MYCBP2: variants seen among roughly 807,000 people sequenced by gnomAD.
MYCBP2 encodes E3 ubiquitin-protein ligase MYCBP2.
In MYCBP2, 120 loss-of-function variants were observed where a neutral mutation model predicts 525.3. The observed-to-expected ratio is 0.23, with a 90% CI of 0.20 to 0.27. MYCBP2 has a LOEUF of 0.27. Among genes scored for constraint, MYCBP2 ranks in the 10% least tolerant of loss-of-function variants. The probability of loss-of-function intolerance (pLI) is 1.00; values close to 1 mark genes in which losing one functional copy is unlikely to be tolerated. For missense variants in MYCBP2, 4,149 were observed against 5,657.1 expected (o/e 0.73, Z 8.55); for synonymous variants, 1,894 against 1,955.8 (o/e 0.97, Z 0.83).
At chr13:77,079,242 T>G (rs1298269099) in intron 65 of MYCBP2, among the ~76,000 whole-genome samples, 1 of 152,188 alleles carries the variant, frequency 6.6e-6, no homozygotes, top group African/African-American at 2.4e-5. Flanking sequence ...TCATTACTTT[T>G]GGAAGTATAA....
At position 77,287,167 on chromosome 13, in the gene MYCBP2, G is replaced by A. The variant is rs191044302; in HGVS notation, c.594+994C>T. On this transcript the variant is annotated intron_variant, in intron 3 of 82. Transcript: ENST00000544440. ...CTCCCAAAGAGCTGGGATTACAGGC[G>A]TGAGCCATTACGCCCAGCCAGTTTC... Among the ~76,000 whole-genome samples the A allele has an allele frequency of 8.2e-3, 1,223 of 149,700 alleles. 19 individuals are homozygous for A. Among genetic ancestry groups the A allele is most frequent in the African/African-American group, 0.029 (1,166 of 40,722 alleles).
At chr13:77,277,489 C>T (rs1005737653) in intron 4 of MYCBP2, among the ~76,000 whole-genome samples, 2 of 152,110 alleles carry the variant, frequency 1.3e-5, no homozygotes, top group Non-Finnish European at 1.5e-5. Flanking sequence ...AAACAAAAGT[C>T]AAACACAATA....
At chr13:77,191,851 T>TGATTCTTCCTACCCATG in intron 27 of MYCBP2, 38 bp from the exon 28 acceptor site, 1 of 1,595,544 alleles carries the variant, frequency 6.3e-7, no homozygotes, top group Non-Finnish European at 8.6e-7. Context: ...AATATTTTCT[T>TGATTCTTCCTACCCATG]ACTTCTCTGT....
chr13:77,183,961 G>C (rs1406673142), intron 32 of MYCBP2, among the ~76,000 whole-genome samples: 2 of 151,884 alleles, frequency 1.3e-5, no homozygotes, highest in African/African-American at 4.8e-5. Flanking sequence ...CCAACTTTTA[G>C]CTGTGTTAAT....
intron 77 of MYCBP2, among the ~76,000 whole-genome samples, chr13:77,059,259 AT>A (rs535609302): frequency 3.9e-5 from 6 of 152,192 alleles, no homozygotes. Context: ...CAGTTCATAA[AT>A]TTTTAACTGT....
chr13:77,145,579 C>T (rs1275534112), intron 48 of MYCBP2, among the ~76,000 whole-genome samples: 1 of 152,124 alleles, frequency 6.6e-6, no homozygotes, highest in African/African-American at 2.4e-5. Flanking sequence ...CATAATTCTG[C>T]TATCTCAGAT....
At chr13:77,099,916 T>C (rs2046813602) in intron 55 of MYCBP2, 2 of 152,104 alleles carry the variant, frequency 1.3e-5, no homozygotes, top group Non-Finnish European at 2.9e-5. Flanking sequence ...ATTTTATGCT[T>C]TTCTTTGAGG....
At chr13:77,275,793 G>A (rs1473966603) in intron 4 of MYCBP2, among the ~76,000 whole-genome samples, 6 of 152,156 alleles carry the variant, frequency 3.9e-5, no homozygotes, top group East Asian at 3.9e-4. Flanking sequence ...AGACCAGCCT[G>A]GCCAACATAG....
chr13:77,174,303 T>G lies in MYCBP2; in HGVS notation c.5651+8A>C. ...AAGTATTTCCGTTATCTCTATACAT[T>G]CACCCACCTATAGTAGAGTATCTGT... On this transcript the variant is annotated splice_region_variant and intron_variant, in intron 37 of 82. Transcript: ENST00000544440. 1 of 1,612,974 alleles carries G rather than the reference T, an allele frequency of 6.2e-7. No individual in the cohort carries two copies.
At chr13:77,219,724 C>T (rs1015956258) in intron 20 of MYCBP2, among the ~76,000 whole-genome samples, 1 of 151,716 alleles carries the variant, frequency 6.6e-6, no homozygotes, top group African/African-American at 2.4e-5. Context: ...ACATGGAGAT[C>T]CTATGCTAAA....
intron 31 of MYCBP2, 50 bp from the exon 32 acceptor site, chr13:77,185,427 C>T (rs750831706): frequency 1.3e-6 from 2 of 1,537,866 alleles, no homozygotes; most frequent in South Asian, 1.2e-5. Flanking sequence ...ATTAAATATG[C>T]ATGAAAACAA....
chr13:77,156,250 C>T (rs1221559539), intron 45 of MYCBP2, 48 bp from the exon 46 acceptor site: 1 of 1,515,112 alleles, frequency 6.6e-7, no homozygotes, highest in South Asian at 1.3e-5. Context: ...CACTGATCAG[C>T]ATCTTCAACA....
intron 26 of MYCBP2, 126 bp downstream of exon 26, chr13:77,205,129 GA>G (rs2063177455): frequency 1.3e-6 from 1 of 771,574 alleles, no homozygotes; most frequent in South Asian, 6.0e-5. Flanking sequence ...TTTTTAAAAA[GA>G]AGCATTAAAA....
Position 77,262,142 on chromosome 13 carries a change from A to T in MYCBP2, c.1571-13T>A. 1 of 1,590,360 alleles carries T rather than the reference A, an allele frequency of 6.3e-7. No individual in the cohort carries two copies. The highest frequency in any genetic ancestry group is 8.6e-7 in the Non-Finnish European group (1 of 1,162,308). ...TCAAATCCTGTACCTGAAATACGAG[A>T]CTAATAAATACTATTGCATTTCTAA... On this transcript the variant is annotated splice_polypyrimidine_tract_variant and intron_variant, in intron 10 of 82. Coordinates refer to ENST00000544440, the MANE Select transcript of MYCBP2 (RefSeq NM_015057.5).
At chr13:77,148,825 T>C (rs1236078473) in intron 47 of MYCBP2, among the ~76,000 whole-genome samples, 2 of 152,118 alleles carry the variant, frequency 1.3e-5, no homozygotes, top group Non-Finnish European at 2.9e-5. Flanking sequence ...ATCACTTCCA[T>C]TTCCATCCCA....
intron 55 of MYCBP2, among the ~76,000 whole-genome samples, chr13:77,102,506 T>C (rs1019235896): frequency 6.6e-6 from 1 of 151,560 alleles, no homozygotes; most frequent in Non-Finnish European, 1.5e-5. Context: ...TTAAATTTAA[T>C]TAAATAATAC....
intron 26 of MYCBP2, among the ~76,000 whole-genome samples, chr13:77,199,192 C>T (rs141738031): frequency 0.032 from 4,853 of 152,304 alleles, 215 homozygotes; most frequent in East Asian, 0.17. Flanking sequence ...GCGCACCATG[C>T]GCGAGCTGAA....
intron 26 of MYCBP2, among the ~76,000 whole-genome samples, chr13:77,200,847 G>C (rs1423938153): frequency 6.6e-6 from 1 of 152,106 alleles, no homozygotes; most frequent in Non-Finnish European, 1.5e-5. Context: ...AATGCTGAGA[G>C]ATTTTGTCAC....
intron 82 of MYCBP2, among the ~76,000 whole-genome samples, chr13:77,047,611 C>T (rs1219556843): frequency 6.6e-6 from 1 of 152,164 alleles, no homozygotes; most frequent in Non-Finnish European, 1.5e-5. Flanking sequence ...GAAAAAAAGT[C>T]AAGCTGCAGG....
Sources: allele counts gnomAD v4.1 joint callset (sites outside exome capture counted in the v4.1 genomes callset), GRCh38; gene constraint gnomAD v4.1.1; transcripts MANE v1.5; gene names NCBI Gene and HGNC (gene_info 2026-07-23, HGNC 2026-07-21).